Variants in KLHL1 observed in about 807,000 individuals in gnomAD.
The protein encoded by KLHL1 is kelch-like protein 1.
In KLHL1, 47 loss-of-function variants were observed where a neutral mutation model predicts 77.7. The ratio of observed to expected loss-of-function variants is 0.60; its 90% CI spans 0.48 to 0.77. The LOEUF (loss-of-function observed/expected upper bound fraction) is 0.77. KLHL1 is among the 30% of genes least tolerant of loss of function. KLHL1 has a pLI of 0.00. For missense variants in KLHL1, 925 were observed against 910.8 expected (o/e 1.02, Z -0.20); for synonymous variants, 360 against 325.2 (o/e 1.11, Z -1.15).
At chr13:69,991,311 G>A (rs903136003) in intron 1 of KLHL1, among the ~76,000 whole-genome samples, 1 of 151,744 alleles carries the variant, frequency 6.6e-6, no homozygotes, top group Non-Finnish European at 1.5e-5. Flanking sequence ...AATCAGAGCT[G>A]AACTGAAGAA....
intron 5 of KLHL1, among the ~76,000 whole-genome samples, chr13:69,840,784 A>AT (rs1879226568): frequency 1.4e-5 from 2 of 148,120 alleles, no homozygotes; most frequent in African/African-American, 5.2e-5. Context: ...ATTTTTAGTA[A>AT]ATTTTTTTTT....
At chr13:69,867,765 AG>A (rs1363972018) in intron 5 of KLHL1, among the ~76,000 whole-genome samples, 2 of 150,096 alleles carry the variant, frequency 1.3e-5, no homozygotes, top group Non-Finnish European at 3.0e-5. Flanking sequence ...TAAAGAAAAA[AG>A]CATATGTAAT....
chr13:69,873,564 G>C (rs1181898267), intron 5 of KLHL1, among the ~76,000 whole-genome samples: 3 of 152,026 alleles, frequency 2.0e-5, no homozygotes, highest in Admixed American at 6.6e-5. Context: ...AGGGTTCTTA[G>C]CACCCACTGT....
chr13:69,739,854 A>G (rs903626351), intron 8 of KLHL1, among the ~76,000 whole-genome samples: 2 of 152,194 alleles, frequency 1.3e-5, no homozygotes, highest in Non-Finnish European at 2.9e-5. Context: ...CCCAGGGGAT[A>G]GTAGACAATA....
intron 1 of KLHL1, among the ~76,000 whole-genome samples, chr13:70,105,534 G>C (rs1888032452): frequency 6.6e-6 from 1 of 151,328 alleles, no homozygotes; most frequent in Non-Finnish European, 1.5e-5. Context: ...TGAGCTGTTA[G>C]AGTCTCAAAA....
intron 2 of KLHL1, among the ~76,000 whole-genome samples, chr13:69,969,626 A>C (rs935782086): frequency 2.0e-5 from 3 of 152,272 alleles, no homozygotes; most frequent in African/African-American, 7.2e-5. Context: ...TGTAACCTAT[A>C]TTATTCAATT....
rs71116960 is a variant in KLHL1, at chr13:69,926,946, C to CAAAAAAAAAA, written c.1014+13084_1014+13093dup. 3.1e-3 allele frequency among the ~76,000 whole-genome samples: 112 copies of CAAAAAAAAAA among 36,032 alleles called. 34 individuals are homozygous for CAAAAAAAAAA. The highest frequency in any genetic ancestry group is 0.012 in the Admixed American group (20 of 1,694). The allele number at this position is 36,032 out of a possible 152,430, so 23.6% of individuals were successfully genotyped here. A position where few individuals can be genotyped will look rare whatever the true frequency, so the allele number is the denominator to read the frequency against. ...TGGGTGACAGAGTGAGACTCCATCT[C>CAAAAAAAAAA]AAAAAAAAAAAAAAAAAAAAAAAAG... is the stretch of plus-strand genomic sequence containing the variant. On this transcript the variant is annotated intron_variant, in intron 4 of 10. Transcript: ENST00000377844.
At chr13:70,024,633 T>C (rs1238578052) in intron 1 of KLHL1, among the ~76,000 whole-genome samples, 1 of 84,712 alleles carries the variant, frequency 1.2e-5, no homozygotes, top group Non-Finnish European at 2.4e-5. Flanking sequence ...TCTCTCTCTC[T>C]CTCTCTCTCT....
chr13:69,840,702 G>A (rs12870676), intron 5 of KLHL1, among the ~76,000 whole-genome samples: 7,945 of 94,922 alleles, frequency 0.084, 319 homozygotes, highest in African/African-American at 0.15. Context: ...ATATATATAT[G>A]TATGTATGTA....
chr13:69,752,309 A>C (rs951602330), intron 7 of KLHL1, among the ~76,000 whole-genome samples: 1 of 152,106 alleles, frequency 6.6e-6, no homozygotes, highest in African/African-American at 2.4e-5. Flanking sequence ...CGTTGCCTCT[A>C]TTTCTGAGGA....
chr13:69,878,711 TAGAGAGAGAG>T (rs988830315), intron 5 of KLHL1, among the ~76,000 whole-genome samples: 5 of 143,506 alleles, frequency 3.5e-5, no homozygotes, highest in African/African-American at 1.0e-4. Flanking sequence ...TATATATATA[TAGAGAGAGAG>T]AGAGAGAGAG....
chr13:69,874,229 T>C (rs1880684846), intron 5 of KLHL1, among the ~76,000 whole-genome samples: 1 of 152,140 alleles, frequency 6.6e-6, no homozygotes, highest in Non-Finnish European at 1.5e-5. Flanking sequence ...CTCTCCCCTT[T>C]AAATGCCATT....
intron 4 of KLHL1, among the ~76,000 whole-genome samples, chr13:69,920,986 A>G (rs966067045): frequency 6.6e-6 from 1 of 152,156 alleles, no homozygotes; most frequent in Non-Finnish European, 1.5e-5. Flanking sequence ...CAATTAACCA[A>G]CTTATGTTGT....
At chr13:69,724,875 A>G (rs180678944) in intron 8 of KLHL1, among the ~76,000 whole-genome samples, 1 of 152,290 alleles carries the variant, frequency 6.6e-6, no homozygotes, top group African/African-American at 2.4e-5. Context: ...ATATTAAACC[A>G]AATTTGCCCA....
chr13:69,960,866 C>T (rs1884041187), intron 3 of KLHL1, among the ~76,000 whole-genome samples: 1 of 151,934 alleles, frequency 6.6e-6, no homozygotes, highest in Admixed American at 6.6e-5. Context: ...TTGTCCATTT[C>T]AAATGATTTG....
At chr13:69,913,686 G>C (rs1464382410) in intron 4 of KLHL1, among the ~76,000 whole-genome samples, 1 of 152,166 alleles carries the variant, frequency 6.6e-6, no homozygotes, top group Non-Finnish European at 1.5e-5. Context: ...GGAATGGATT[G>C]CTTGTTCAAT....
At chr13:69,955,186 T>G (rs750960466) in intron 3 of KLHL1, among the ~76,000 whole-genome samples, 2 of 151,370 alleles carry the variant, frequency 1.3e-5, no homozygotes, top group Non-Finnish European at 3.0e-5. Context: ...CTAATTACAA[T>G]AAAAATTCTG....
intron 4 of KLHL1, among the ~76,000 whole-genome samples, chr13:69,932,835 G>T (rs2482569): frequency 0.87 from 131,314 of 151,648 alleles, 57,419 homozygotes; most frequent in Non-Finnish European, 0.94. Context: ...AGTACAAATT[G>T]CCTGTAAAGA....
At chr13:69,936,020 C>T (rs951449499) in intron 4 of KLHL1, among the ~76,000 whole-genome samples, 1 of 152,106 alleles carries the variant, frequency 6.6e-6, no homozygotes, top group African/African-American at 2.4e-5. Flanking sequence ...TGATATCACA[C>T]AATCCTAAAG....
Sources: gnomAD v4.1 joint callset for allele counts (sites outside exome capture counted in the v4.1 genomes callset) on GRCh38, gnomAD v4.1.1 for gene constraint, MANE v1.5 for transcripts, NCBI Gene and HGNC (gene_info 2026-07-23, HGNC 2026-07-21) for gene names.